SLC24A2: variants seen among roughly 807,000 people sequenced by gnomAD.
SLC24A2 encodes sodium/potassium/calcium exchanger 2.
A neutral mutation model predicts 62.0 loss-of-function variants in SLC24A2; 36 were observed. The observed-to-expected ratio is 0.58, with a 90% CI of 0.44 to 0.77. SLC24A2 has a LOEUF of 0.77. Ranked by LOEUF, SLC24A2 falls within the 30% of genes least tolerant of loss-of-function variation. The probability of loss-of-function intolerance (pLI) is 0.00; values close to 1 mark genes in which losing one functional copy is unlikely to be tolerated. For synonymous variants in SLC24A2, 358 were observed against 294.0 expected (o/e 1.22, Z -2.23); for missense variants, 846 against 817.9 (o/e 1.03, Z -0.42).
chr9:19,769,126 G>A (rs2118884934), intron 2 of SLC24A2, among the ~76,000 whole-genome samples: 1 of 152,148 alleles, frequency 6.6e-6, no homozygotes, highest in South Asian at 2.1e-4. Context: ...TTTTCTACTT[G>A]AAACCCACTC....
chr9:19,819,520 AAAC>A, the SLC24A2 span, among the ~76,000 whole-genome samples: 3,414 of 152,170 alleles, frequency 0.022, 134 homozygotes, highest in African/African-American at 0.078. Flanking sequence ...AGTAAGAAAA[AAAC>A]AATCCCATCA....
the SLC24A2 span, among the ~76,000 whole-genome samples, chr9:20,265,312 C>T: frequency 2.0e-5 from 3 of 152,186 alleles, no homozygotes; most frequent in Admixed American, 6.5e-5. Flanking sequence ...GAAGAATAGT[C>T]GCCGAGTTGT....
At chr9:20,205,317 G>T in the SLC24A2 span, among the ~76,000 whole-genome samples, 1 of 151,918 alleles carries the variant, frequency 6.6e-6, no homozygotes, top group Non-Finnish European at 1.5e-5. Context: ...ATCTTTTCAT[G>T]GAATGCCATC....
At chr9:20,085,516 T>C in the SLC24A2 span, among the ~76,000 whole-genome samples, 1 of 152,228 alleles carries the variant, frequency 6.6e-6, no homozygotes, top group African/African-American at 2.4e-5. Context: ...TAGACTATAA[T>C]AGCGTTGTTT....
At chr9:20,017,949 C>T in the SLC24A2 span, among the ~76,000 whole-genome samples, 2 of 152,098 alleles carry the variant, frequency 1.3e-5, no homozygotes, top group Non-Finnish European at 2.9e-5. Context: ...CAATACTTTG[C>T]ATCCTTTTCT....
the SLC24A2 span, among the ~76,000 whole-genome samples, chr9:19,903,974 G>A: frequency 6.6e-6 from 1 of 152,184 alleles, no homozygotes; most frequent in Admixed American, 6.5e-5. Context: ...GAAGGTGGCT[G>A]AGACCATGGA....
the SLC24A2 span, among the ~76,000 whole-genome samples, chr9:20,276,852 C>T: frequency 3.3e-5 from 5 of 152,220 alleles, no homozygotes; most frequent in South Asian, 8.3e-4. Context: ...GAAGCAATGG[C>T]CTGAGCTGTA....
chr9:20,113,601 A>G, the SLC24A2 span, among the ~76,000 whole-genome samples: 2 of 152,178 alleles, frequency 1.3e-5, no homozygotes, highest in Non-Finnish European at 2.9e-5. Context: ...GGTTATAAAA[A>G]TTTGTAAAAT....
At chr9:19,728,580 C>G (rs1821241993) in intron 2 of SLC24A2, among the ~76,000 whole-genome samples, 1 of 152,086 alleles carries the variant, frequency 6.6e-6, no homozygotes, top group South Asian at 2.1e-4. Flanking sequence ...ATAGAAGGGT[C>G]TCAACTCTGG....
chr9:19,615,994 G>GCACACACA (rs3220155), intron 4 of SLC24A2, among the ~76,000 whole-genome samples: 248 of 140,896 alleles, frequency 1.8e-3, no homozygotes, highest in African/African-American at 2.5e-3. Context: ...TCACAGGCGT[G>GCACACACA]CACACACACA....
At chr9:19,766,622 G>A (rs1183448331) in intron 2 of SLC24A2, among the ~76,000 whole-genome samples, 4 of 152,236 alleles carry the variant, frequency 2.6e-5, no homozygotes, top group African/African-American at 4.8e-5. Flanking sequence ...TGCACCAGCA[G>A]AGGCTGCAGA....
At chr9:20,268,903 G>A in the SLC24A2 span, among the ~76,000 whole-genome samples, 10 of 152,270 alleles carry the variant, frequency 6.6e-5, no homozygotes, top group South Asian at 1.9e-3. Flanking sequence ...ACCATTCTGG[G>A]ACATTCAGTT....
At chr9:19,767,486 G>T (rs887177914) in intron 2 of SLC24A2, among the ~76,000 whole-genome samples, 1 of 152,208 alleles carries the variant, frequency 6.6e-6, no homozygotes, top group East Asian at 1.9e-4. Flanking sequence ...TGGGAAAAGG[G>T]TCGTATCTGG....
At chr9:19,956,938 C>T in the SLC24A2 span, among the ~76,000 whole-genome samples, 13 of 152,296 alleles carry the variant, frequency 8.5e-5, no homozygotes, top group African/African-American at 3.1e-4. Flanking sequence ...AGTAGGCCCT[C>T]ACCAGACACT....
At chr9:20,110,715 G>A in the SLC24A2 span, among the ~76,000 whole-genome samples, 2 of 152,026 alleles carry the variant, frequency 1.3e-5, no homozygotes, top group East Asian at 1.9e-4. Context: ...TATTTTAAGG[G>A]AAGGAAAAAA....
chr9:19,602,181 T>G (rs561381068), intron 4 of SLC24A2, among the ~76,000 whole-genome samples: 1 of 152,330 alleles, frequency 6.6e-6, no homozygotes, highest in African/African-American at 2.4e-5. Context: ...TTTCCTCATC[T>G]GTAAAATGGG....
intron 2 of SLC24A2, among the ~76,000 whole-genome samples, chr9:19,641,975 A>C (rs1469437200): frequency 1.3e-5 from 2 of 152,208 alleles, no homozygotes; most frequent in East Asian, 3.9e-4. Context: ...CATCAGCCTC[A>C]GTAGGCCTAC....
chr9:20,068,057 CTTTTTTTTTT>C, the SLC24A2 span, among the ~76,000 whole-genome samples: 2 of 89,742 alleles, frequency 2.2e-5, no homozygotes, highest in African/African-American at 4.8e-5. Flanking sequence ...TTTTTTGACT[CTTTTTTTTTT>C]TTTTTTTTTT....
the SLC24A2 span, among the ~76,000 whole-genome samples, chr9:20,196,095 A>G: frequency 1.3e-5 from 2 of 152,176 alleles, no homozygotes. Flanking sequence ...CAAACTCTAT[A>G]CTTATGATAG....
Sources: gnomAD v4.1 joint callset for allele counts (sites outside exome capture counted in the v4.1 genomes callset) on GRCh38, gnomAD v4.1.1 for gene constraint, MANE v1.5 for transcripts, NCBI Gene and HGNC (gene_info 2026-07-23, HGNC 2026-07-21) for gene names.